Variants in PPM1H observed in about 807,000 individuals in gnomAD.
PPM1H encodes protein phosphatase, Mg2+/Mn2+ dependent 1H.
A neutral mutation model predicts 54.9 loss-of-function variants in PPM1H; 27 were observed. The ratio of observed to expected loss-of-function variants is 0.49; its 90% CI spans 0.36 to 0.68. PPM1H has a LOEUF of 0.68. Among genes scored for constraint, PPM1H ranks in the 30% least tolerant of loss-of-function variants. The pLI is 0.00. For synonymous variants in PPM1H, 305 were observed against 270.8 expected, an observed-to-expected ratio of 1.13 and a Z score of -1.24; for missense variants, 596 against 667.8, an observed-to-expected ratio of 0.89 and a Z score of 1.19.
chr12:62,839,929 T>C (rs1202724652), intron 1 of PPM1H, among the ~76,000 whole-genome samples: 1 of 151,064 alleles, frequency 6.6e-6, no homozygotes, highest in Admixed American at 6.6e-5. Flanking sequence ...TCCCAGGTAC[T>C]TGAGAGGCTG....
At chr12:62,908,328 A>G (rs1159958695) in intron 1 of PPM1H, among the ~76,000 whole-genome samples, 14 of 145,498 alleles carry the variant, frequency 9.6e-5, no homozygotes. Context: ...AATCGCTTGA[A>G]CCCTGGAGAT....
At chr12:62,817,151 C>CAAAAAAAAAAAAAAA (rs1565797674) in intron 2 of PPM1H, among the ~76,000 whole-genome samples, 1 of 58,926 alleles carries the variant, frequency 1.7e-5, no homozygotes, top group Non-Finnish European at 3.4e-5. Flanking sequence ...AAAAAAAAAA[C>CAAAAAAAAAAAAAAA]TAAAAAAAAG....
chr12:62,653,372 T>C (rs1436188413), intron 9 of PPM1H, among the ~76,000 whole-genome samples: 1 of 152,244 alleles, frequency 6.6e-6, no homozygotes, highest in Non-Finnish European at 1.5e-5. Flanking sequence ...TTCTCTGCGA[T>C]ATCTTTCAAT....
At chr12:62,785,911 C>T (rs952763231) in intron 4 of PPM1H, among the ~76,000 whole-genome samples, 2 of 151,158 alleles carry the variant, frequency 1.3e-5, no homozygotes, top group South Asian at 2.1e-4. Context: ...AGTTGAGTCT[C>T]GAAGAACAGT....
intron 4 of PPM1H, among the ~76,000 whole-genome samples, chr12:62,785,199 C>T (rs1009164161): frequency 1.3e-5 from 2 of 151,098 alleles, no homozygotes; most frequent in Non-Finnish European, 2.9e-5. Context: ...TTTTTGGAGA[C>T]GGAGCCTTGC....
At chr12:62,827,065 A>T (rs1868299243) in intron 2 of PPM1H, among the ~76,000 whole-genome samples, 1 of 152,188 alleles carries the variant, frequency 6.6e-6, no homozygotes. Context: ...GGCTGCAACT[A>T]TAATTTTCAA....
At chr12:62,858,759 T>G (rs1187795567) in intron 1 of PPM1H, among the ~76,000 whole-genome samples, 1 of 152,254 alleles carries the variant, frequency 6.6e-6, no homozygotes. Flanking sequence ...TAAACATGAC[T>G]ATTATTCAAT....
intron 4 of PPM1H, among the ~76,000 whole-genome samples, chr12:62,744,364 G>A (rs1219273100): frequency 6.6e-6 from 1 of 151,644 alleles, no homozygotes; most frequent in African/African-American, 2.4e-5. Flanking sequence ...CCAGCTACTT[G>A]GGAGGATGAG....
intron 1 of PPM1H, among the ~76,000 whole-genome samples, chr12:62,866,301 TCTACA>T: frequency 6.6e-6 from 1 of 152,296 alleles, no homozygotes; most frequent in Admixed American, 6.5e-5. Context: ...CTTCCTGACA[TCTACA>T]CTTATCCCCT....
At chr12:62,686,116 G>A (rs1338325144) in intron 8 of PPM1H, among the ~76,000 whole-genome samples, 2 of 152,152 alleles carry the variant, frequency 1.3e-5, no homozygotes, top group East Asian at 1.9e-4. Flanking sequence ...ATCATTCAGC[G>A]AGGTGACATA....
intron 7 of PPM1H, among the ~76,000 whole-genome samples, chr12:62,690,519 G>C (rs1225255403): frequency 6.6e-6 from 1 of 152,168 alleles, no homozygotes; most frequent in Non-Finnish European, 1.5e-5. Context: ...TTTTTGAATG[G>C]TGTAAGGAAG....
chr12:62,699,132 A>T lies in PPM1H; in HGVS notation c.1074-5133T>A, dbSNP rs555235622. ...GAAGGAAAGCAATTCAAAAACATCA[A>T]ATTCAGCAGTATCCTTTTTCATGAA... On this transcript the variant is annotated intron_variant, in intron 6 of 9. Transcript: ENST00000228705. 1.5e-4 allele frequency among the ~76,000 whole-genome samples: 23 copies of T among 152,368 alleles called. No individual in the cohort carries two copies. In the East Asian group the frequency reaches 4.2e-3, roughly 28 times the overall value.
At chr12:62,693,876 G>A in intron 7 of PPM1H, 60 bp downstream of exon 7, 1 of 1,483,762 alleles carries the variant, frequency 6.7e-7, no homozygotes, top group Non-Finnish European at 9.3e-7. Context: ...CACGGGCTAT[G>A]TGGAGCGAAG....
chr12:62,760,125 A>G (rs1219493673), intron 4 of PPM1H, among the ~76,000 whole-genome samples: 3 of 152,212 alleles, frequency 2.0e-5, no homozygotes, highest in Non-Finnish European at 4.4e-5. Context: ...GCCCCAGTAC[A>G]AACTCGACAA....
At position 62,801,961 on chromosome 12, in the gene PPM1H, C is replaced by T. The variant is rs199959694; in HGVS notation, c.611G>A (p.Arg204Gln). Residue 204 changes from arginine to glutamine, a missense_variant, in exon 3 of 10, where the codon CGG becomes CAG. By Grantham distance (43) the Arg-to-Gln change is conservative. Transcript: ENST00000228705. ...EEPENTPANS[R>Q]TLTRAASLRG... Reference sequence around the variant, plus strand: ...CAGGGAGGCTGCCCGGGTCAGAGTCCGGCTGTTGGCGGGCGTGTTCTCAGG... The same window carrying T: ...CAGGGAGGCTGCCCGGGTCAGAGTCTGGCTGTTGGCGGGCGTGTTCTCAGG... The T allele has an allele frequency of 2.2e-4, 350 of 1,612,466 alleles. No individual in the cohort carries two copies. The highest frequency in any genetic ancestry group is 2.8e-4 in the Non-Finnish European group (326 of 1,179,104).
chr12:62,684,036 A>AACTCTT (rs2076038175), intron 8 of PPM1H, among the ~76,000 whole-genome samples: 1 of 152,198 alleles, frequency 6.6e-6, no homozygotes, highest in Non-Finnish European at 1.5e-5. Context: ...AACAAATCCT[A>AACTCTT]TCCTTCTCCA....
chr12:62,785,909 C>G (rs2076668026), intron 4 of PPM1H, among the ~76,000 whole-genome samples: 1 of 150,704 alleles, frequency 6.6e-6, no homozygotes, highest in African/African-American at 2.4e-5. Context: ...GGAGTTGAGT[C>G]TCGAAGAACA....
At chr12:62,792,914 T>A (rs1565790075) in intron 3 of PPM1H, among the ~76,000 whole-genome samples, 2 of 152,222 alleles carry the variant, frequency 1.3e-5, no homozygotes, top group Non-Finnish European at 2.9e-5. Flanking sequence ...ATTATCTACC[T>A]TTTTTCTTCA....
At chr12:62,868,187 CCAAT>C (rs1375760617) in intron 1 of PPM1H, among the ~76,000 whole-genome samples, 1 of 152,190 alleles carries the variant, frequency 6.6e-6, no homozygotes, top group Non-Finnish European at 1.5e-5. Flanking sequence ...CAGTTCAAGG[CCAAT>C]CAGACTTCTT....
Sources: allele counts gnomAD v4.1 joint callset (sites outside exome capture counted in the v4.1 genomes callset), GRCh38; gene constraint gnomAD v4.1.1; transcripts MANE v1.5; gene names NCBI Gene and HGNC (gene_info 2026-07-23, HGNC 2026-07-21).